The following ANK2 variants were observed in gnomAD, a reference collection of about 807,000 sequenced individuals.
ANK2 encodes ankyrin 2.
A neutral mutation model predicts 360.5 loss-of-function variants in ANK2; 83 were observed. The ratio of observed to expected loss-of-function variants is 0.23; its 90% CI spans 0.19 to 0.28. ANK2 has a LOEUF of 0.28. Among genes scored for constraint, ANK2 ranks in the 10% least tolerant of loss-of-function variants. ANK2 has a pLI of 1.00. For synonymous variants in ANK2, 1,740 were observed against 1,759.5 expected (o/e 0.99, Z 0.28); for missense variants, 4,201 against 4,795.7 (o/e 0.88, Z 3.66).
At chr4:113,200,026 GC>G (rs767177490) in intron 4 of ANK2, among the ~76,000 whole-genome samples, 8 of 152,278 alleles carry the variant, frequency 5.3e-5, no homozygotes, top group Non-Finnish European at 1.2e-4. Flanking sequence ...GGTTAAATCA[GC>G]CCTATTTTCT....
intron 1 of ANK2, among the ~76,000 whole-genome samples, chr4:112,849,143 C>A (rs2064024946): frequency 6.6e-6 from 1 of 152,132 alleles, no homozygotes; most frequent in Non-Finnish European, 1.5e-5. Flanking sequence ...ACATGTAAGA[C>A]AAATTGATGT....
chr4:113,132,583 G>A lies in ANK2; in HGVS notation c.85-41833G>A, dbSNP rs566601028. Among the ~76,000 whole-genome samples, 8 of 152,256 alleles carry A rather than the reference G, an allele frequency of 5.3e-5. No individual in the cohort carries two copies. The South Asian group carries it at 1.0e-3, about 20-fold the overall frequency. On this transcript the variant is annotated intron_variant, in intron 1 of 45. Coordinates refer to ENST00000357077, the MANE Select transcript of ANK2 (RefSeq NM_001148.6). ...CATGATGGTAGCTTCTCAGCCAGAC[G>A]GAGCCCATGAGATAGATGGCTCTGA...
intron 20 of ANK2, among the ~76,000 whole-genome samples, chr4:113,291,811 G>A (rs7677909): frequency 0.39 from 58,776 of 152,066 alleles, 12,255 homozygotes; most frequent in Non-Finnish European, 0.48. Context: ...CCCGATTGTG[G>A]AGAAATTACT....
chr4:113,372,667 C>T (rs1278454224), intron 43 of ANK2: 3 of 1,360,628 alleles, frequency 2.2e-6, no homozygotes, highest in Non-Finnish European at 3.0e-6. Flanking sequence ...ACAGTCCTGT[C>T]CCCATATTCT....
chr4:113,363,806 G>T (rs533094826), intron 40 of ANK2, among the ~76,000 whole-genome samples: 6 of 152,122 alleles, frequency 3.9e-5, no homozygotes, highest in African/African-American at 1.4e-4. Context: ...GAGTGAGTGT[G>T]GGTGTGTGTG....
chr4:113,234,113 T>C (rs1024154804), intron 5 of ANK2, among the ~76,000 whole-genome samples: 16 of 152,330 alleles, frequency 1.1e-4, no homozygotes, highest in African/African-American at 3.6e-4. Context: ...CAAATAGACT[T>C]AAGGTTTCTA....
chr4:113,086,900 AG>A (rs2085104315), intron 1 of ANK2, among the ~76,000 whole-genome samples: 1 of 152,166 alleles, frequency 6.6e-6, no homozygotes. Flanking sequence ...TCTGGAGCGT[AG>A]GGAGCAAGAA....
chr4:113,007,683 T>C (rs1420805942), intron 2 of ANK2, among the ~76,000 whole-genome samples: 1 of 152,264 alleles, frequency 6.6e-6, no homozygotes, highest in East Asian at 1.9e-4. Flanking sequence ...ATTTGTACCT[T>C]AAACTACAAT....
chr4:113,315,646 C>T (rs992136449), intron 24 of ANK2, among the ~76,000 whole-genome samples: 1 of 152,102 alleles, frequency 6.6e-6, no homozygotes, highest in East Asian at 1.9e-4. Flanking sequence ...CGCCTGTAAT[C>T]CCAGCACTTT....
intron 2 of ANK2, among the ~76,000 whole-genome samples, chr4:112,983,143 C>T (rs570591988): frequency 2.0e-5 from 3 of 152,180 alleles, no homozygotes; most frequent in East Asian, 1.9e-4. Flanking sequence ...TGAAGAAAAA[C>T]GGTCATGCTG....
chr4:113,363,461 A>C lies in ANK2; in HGVS notation c.10880A>C (p.His3627Pro), dbSNP rs1564099462. The C allele has an allele frequency of 1.9e-6, 3 of 1,613,440 alleles. No homozygotes were observed. The highest frequency in any genetic ancestry group is 1.7e-6 in the Non-Finnish European group (2 of 1,179,524). ...LKYWLERDGK[H>P]ATDTNLVECL... ...TACTGGCTAGAGAGGGATGGGAAAC[A>C]TGCTACAGGTAAGTGGGGAACTATA... The change falls in exon 40 of 46, where the codon CAT becomes CCT. Residue 3627 changes from histidine to proline, a missense_variant. His to Pro is a moderately conservative substitution (Grantham distance 77). This residue lies in a region of ANK2 where 2,642 missense variants were observed against 2,714.5 expected (regional missense o/e 0.97). Transcript: ENST00000357077.
chr4:112,847,258 A>T (rs1375429161), intron 1 of ANK2, among the ~76,000 whole-genome samples: 1 of 152,260 alleles, frequency 6.6e-6, no homozygotes, highest in Non-Finnish European at 1.5e-5. Context: ...TGTCAAAACA[A>T]AACAAAAACT....
intron 26 of ANK2, among the ~76,000 whole-genome samples, chr4:113,325,830 C>A (rs2089501586): frequency 6.6e-6 from 1 of 152,160 alleles, no homozygotes; most frequent in African/African-American, 2.4e-5. Flanking sequence ...TCACTGTAAC[C>A]TTAAGTGGTA....
intron 9 of ANK2, among the ~76,000 whole-genome samples, chr4:113,244,406 A>C (rs1278887705): frequency 1.3e-5 from 2 of 152,324 alleles, no homozygotes; most frequent in Middle Eastern, 3.4e-3. Context: ...AAACAAAAAA[A>C]CAAAAAACAA....
intron 1 of ANK2, among the ~76,000 whole-genome samples, chr4:112,819,923 A>G (rs545121481): frequency 2.4e-4 from 36 of 151,692 alleles, no homozygotes; most frequent in Non-Finnish European, 4.7e-4. Context: ...CCTAGACCAC[A>G]CCCCCTTTTT....
At chr4:112,790,570 C>A in the ANK2 span, among the ~76,000 whole-genome samples, 12 of 149,938 alleles carry the variant, frequency 8.0e-5, no homozygotes, top group South Asian at 2.1e-4. Flanking sequence ...TCACTGCAAC[C>A]TCTGCCTCCT....
intron 2 of ANK2, among the ~76,000 whole-genome samples, chr4:113,018,933 A>G (rs1173626486): frequency 6.6e-6 from 1 of 152,190 alleles, no homozygotes; most frequent in African/African-American, 2.4e-5. Context: ...ATCTAATTTG[A>G]CACATAATTC....
chr4:113,049,796 G>C lies in ANK2; in HGVS notation c.68G>C (p.Arg23Thr). Residue 23 changes from arginine to threonine, a missense_variant, in exon 1 of 46, where the codon AGA (arginine) becomes ACA (threonine). Physicochemically the swap from Arg to Thr is moderately conservative, Grantham distance 71. Around this residue, in one of 4 missense-constraint regions of ANK2, gnomAD observed 169 missense variants for 191.1 expected, o/e 0.88. Transcript: ENST00000357077. The part of the protein sequence containing the change: ...GEKFNGSSQR[R>T]KRPKKSDSNA... ...AAGTTCAACGGCAGTAGTCAGAGGAGAAAAAGACCCAAGAAGGTAAATCGC... is the reference window on the plus strand; with the variant it reads ...AAGTTCAACGGCAGTAGTCAGAGGACAAAAAGACCCAAGAAGGTAAATCGC... 6.2e-7 allele frequency: 1 copy of C among 1,613,770 alleles called. No individual in the cohort carries two copies.
chr4:112,740,808 G>A, the ANK2 span, among the ~76,000 whole-genome samples: 3 of 152,086 alleles, frequency 2.0e-5, no homozygotes, highest in Non-Finnish European at 1.5e-5. Flanking sequence ...TGGCCAACAC[G>A]GTGAAACCCC....
Sources: gnomAD v4.1 joint callset for allele counts (sites outside exome capture counted in the v4.1 genomes callset) on GRCh38, gnomAD v4.1.1 for gene constraint, gnomAD v4.1.1 regional missense constraint, MANE v1.5 for transcripts, NCBI Gene and HGNC (gene_info 2026-07-23, HGNC 2026-07-21) for gene names.